Variants in FAM107B observed in about 807,000 individuals in gnomAD.
FAM107B encodes family with sequence similarity 107 member B.
A neutral mutation model predicts 31.5 loss-of-function variants in FAM107B; 21 were observed. That is an observed-to-expected ratio of 0.67 (90% CI 0.47 to 0.96). FAM107B has a LOEUF of 0.96. Among genes scored for constraint, FAM107B ranks in the 40% least tolerant of loss-of-function variants. The pLI, the probability that FAM107B is intolerant of heterozygous loss-of-function variation, is 0.00. For missense variants in FAM107B, 452 were observed against 377.1 expected (o/e 1.20, Z -1.64); for synonymous variants, 157 against 141.5 (o/e 1.11, Z -0.78).
At chr10:14,681,275 G>A (rs1854827876) in intron 1 of FAM107B, among the ~76,000 whole-genome samples, 1 of 152,324 alleles carries the variant, frequency 6.6e-6, no homozygotes, top group African/African-American at 2.4e-5. Flanking sequence ...GGTGACACTA[G>A]TACACACTGA....
chr10:14,533,577 C>T (rs1847272761), intron 2 of FAM107B, among the ~76,000 whole-genome samples: 1 of 152,206 alleles, frequency 6.6e-6, no homozygotes, highest in Non-Finnish European at 1.5e-5. Context: ...TCTGCAGTCT[C>T]AGGCTTTGCC....
At chr10:14,547,847 T>C (rs1262552587) in intron 2 of FAM107B, among the ~76,000 whole-genome samples, 3 of 152,234 alleles carry the variant, frequency 2.0e-5, no homozygotes, top group African/African-American at 2.4e-5. Flanking sequence ...TTGGCTCTTA[T>C]TTGATTTCTG....
At chr10:14,699,461 G>A (rs1855345068) in intron 1 of FAM107B, among the ~76,000 whole-genome samples, 1 of 152,148 alleles carries the variant, frequency 6.6e-6, no homozygotes, top group South Asian at 2.1e-4. Flanking sequence ...AAAGGCCGGA[G>A]AACCAGGAAC....
intron 1 of FAM107B, among the ~76,000 whole-genome samples, chr10:14,745,076 T>C (rs80260188): frequency 2.5e-3 from 385 of 152,316 alleles, no homozygotes; most frequent in African/African-American, 8.7e-3. Flanking sequence ...CTTCTAGATT[T>C]TCCAGTTCAT....
chr10:14,521,889 G>T lies in FAM107B; in HGVS notation c.784C>A (p.Arg262=), dbSNP rs757704900. 6.2e-7 allele frequency: 1 copy of T among 1,613,984 alleles called. No homozygotes were observed. Among genetic ancestry groups the T allele is most frequent in the Non-Finnish European group, 8.5e-7 (1 of 1,179,968 alleles). The change falls in exon 4 of 5, where the codon CGG becomes AGG. Residue 262 remains arginine, a synonymous_variant. Transcript: ENST00000181796. Reference sequence around the variant, plus strand: ...CTTACCTGCTCCAACTTCTGCTGCCGTTTTAATAGCTCTATTTCCAAGTCA... The same window carrying T: ...CTTACCTGCTCCAACTTCTGCTGCCTTTTTAATAGCTCTATTTCCAAGTCA... ...KSDLEIELLK[R]QQKLEQLELE...
At chr10:14,552,705 C>G (rs1443317071) in intron 2 of FAM107B, among the ~76,000 whole-genome samples, 1 of 151,930 alleles carries the variant, frequency 6.6e-6, no homozygotes, top group African/African-American at 2.4e-5. Flanking sequence ...GGCACACACT[C>G]GTAATCCCAG....
chr10:14,685,290 A>G (rs1433202463), intron 1 of FAM107B, among the ~76,000 whole-genome samples: 1 of 151,720 alleles, frequency 6.6e-6, no homozygotes, highest in East Asian at 1.9e-4. Flanking sequence ...CTAGGACTAC[A>G]GGTATGTACC....
At chr10:14,745,322 T>A (rs886076722) in intron 1 of FAM107B, among the ~76,000 whole-genome samples, 7 of 152,168 alleles carry the variant, frequency 4.6e-5, no homozygotes, top group Non-Finnish European at 1.5e-5. Flanking sequence ...CTGGTCTTGG[T>A]TATTTCTTGT....
At position 14,701,581 on chromosome 10, in the gene FAM107B, G is replaced by C. The variant is rs139322556; in HGVS notation, c.412-33890C>G. ...TTTTAAATAGTCCTCACAGCTCCAA[G>C]AATATAGACCTATCTCTCACAGAAT... is the stretch of plus-strand genomic sequence containing the variant. On this transcript the variant is annotated intron_variant, in intron 1 of 4. Transcript: ENST00000181796. 2.6e-5 allele frequency among the ~76,000 whole-genome samples: 4 copies of C among 152,178 alleles called. No homozygotes were observed. The East Asian group carries it at 7.7e-4, about 29-fold the overall frequency.
intron 2 of FAM107B, among the ~76,000 whole-genome samples, chr10:14,592,458 A>T (rs1012815802): frequency 6.6e-6 from 1 of 152,206 alleles, no homozygotes; most frequent in Non-Finnish European, 1.5e-5. Context: ...GGCACCTCTG[A>T]AGTGAAAGGG....
At chr10:14,588,585 G>T (rs1045116611) in intron 2 of FAM107B, among the ~76,000 whole-genome samples, 1 of 152,094 alleles carries the variant, frequency 6.6e-6, no homozygotes, top group Non-Finnish European at 1.5e-5. Flanking sequence ...TGTGGGCAGC[G>T]CAAGTAGAGA....
At chr10:14,769,014 A>C (rs917383604) in intron 1 of FAM107B, among the ~76,000 whole-genome samples, 1 of 152,126 alleles carries the variant, frequency 6.6e-6, no homozygotes, top group Non-Finnish European at 1.5e-5. Context: ...GTAACTACAG[A>C]TGTTGTCCCC....
chr10:14,533,316 G>T (rs935241065), intron 2 of FAM107B, among the ~76,000 whole-genome samples: 8 of 152,126 alleles, frequency 5.3e-5, no homozygotes, highest in African/African-American at 1.9e-4. Context: ...TGAAGGACTG[G>T]ACACGAGGCG....
intron 1 of FAM107B, among the ~76,000 whole-genome samples, chr10:14,768,163 T>C (rs969462883): frequency 1.3e-5 from 2 of 152,134 alleles, no homozygotes; most frequent in Admixed American, 1.3e-4. Context: ...GACATAAATA[T>C]AATAAATGGA....
At chr10:14,628,397 C>T (rs1000444546) in intron 2 of FAM107B, among the ~76,000 whole-genome samples, 2 of 152,034 alleles carry the variant, frequency 1.3e-5, no homozygotes, top group African/African-American at 4.8e-5. Flanking sequence ...GGATTACAGG[C>T]GTGAGCCACT....
At chr10:14,594,883 A>G (rs1852136637) in intron 2 of FAM107B, among the ~76,000 whole-genome samples, 1 of 152,184 alleles carries the variant, frequency 6.6e-6, no homozygotes, top group South Asian at 2.1e-4. Context: ...ATCTCAGTGG[A>G]CCTTTTTCTC....
chr10:14,607,154 G>A lies in FAM107B; in HGVS notation c.469+60480C>T, dbSNP rs575569973. 1.4e-4 allele frequency among the ~76,000 whole-genome samples: 22 copies of A among 152,256 alleles called. No homozygotes were observed. In the East Asian group the frequency reaches 3.5e-3, roughly 24 times the overall value. On this transcript the variant is annotated intron_variant, in intron 2 of 4. Coordinates refer to ENST00000181796, the MANE Select transcript of FAM107B (RefSeq NM_031453.4). Reference sequence around the variant, plus strand: ...GTGAGAGAAATAGAAACAAAGGCTCGTTCCATACTCTGGGGTATAAATGCC... The same window carrying A: ...GTGAGAGAAATAGAAACAAAGGCTCATTCCATACTCTGGGGTATAAATGCC...
At chr10:14,572,762 A>T (rs920623304) in intron 2 of FAM107B, among the ~76,000 whole-genome samples, 1 of 66,030 alleles carries the variant, frequency 1.5e-5, no homozygotes, top group Non-Finnish European at 3.4e-5. Context: ...TATATATATT[A>T]GAGTGTGTGT....
At position 14,530,509 on chromosome 10, in the gene FAM107B, GGGC is replaced by G. The variant is rs1282137999; in HGVS notation, c.473_475del (p.Ser158_Pro159delinsThr). On this transcript the variant is annotated inframe_deletion, in exon 3 of 5. Transcript: ENST00000181796. The stretch of plus-strand genomic sequence containing the variant: ...GTCCTTATGGTCAATATCCTCAGGT[GGGC>G]TGTCTGAAAGAGAAAGATGAGAAAC... 28 of 1,611,458 alleles carry G rather than the reference GGGC, an allele frequency of 1.7e-5. No individual in the cohort carries two copies. The highest frequency in any genetic ancestry group is 2.3e-5 in the Non-Finnish European group (27 of 1,179,522).
Sources: allele counts gnomAD v4.1 joint callset (sites outside exome capture counted in the v4.1 genomes callset), GRCh38; gene constraint gnomAD v4.1.1; transcripts MANE v1.5; gene names NCBI Gene and HGNC (gene_info 2026-07-23, HGNC 2026-07-21).